The following SPIRE1 variants were observed in gnomAD, a reference collection of about 807,000 sequenced individuals.
SPIRE1 encodes the protein spire type actin nucleation factor 1, also known as protein spire homolog 1.
SPIRE1 carries 40 observed loss-of-function variants against 94.1 expected under a neutral mutation model. The ratio of observed to expected loss-of-function variants is 0.43; its 90% CI spans 0.33 to 0.55. The LOEUF is 0.55. Among genes scored for constraint, SPIRE1 ranks in the 20% least tolerant of loss-of-function variants. The pLI, the probability that SPIRE1 is intolerant of heterozygous loss-of-function variation, is 0.06. For synonymous variants in SPIRE1, 376 were observed against 371.7 expected (o/e 1.01, Z -0.13); for missense variants, 838 against 975.2 (o/e 0.86, Z 1.87).
intron 4 of SPIRE1, among the ~76,000 whole-genome samples, chr18:12,522,150 T>A (rs980123022): frequency 3.3e-4 from 50 of 152,132 alleles, no homozygotes; most frequent in Non-Finnish European, 2.9e-5. Flanking sequence ...AACAGCCAAG[T>A]TGTGAATGCA....
chr18:12,452,618 T>A (rs984815711), intron 14 of SPIRE1, 106 bp from the exon 15 acceptor site: 6 of 1,082,648 alleles, frequency 5.5e-6, no homozygotes, highest in South Asian at 1.3e-5. Flanking sequence ...ATAAACTGCA[T>A]AACTCTCCCT....
chr18:12,470,602 G>A (rs17615158), intron 10 of SPIRE1, among the ~76,000 whole-genome samples: 54,440 of 151,980 alleles, frequency 0.36, 11,140 homozygotes, highest in East Asian at 0.65. Context: ...CAGGTCTCCT[G>A]AGAGAAGGGT....
At chr18:12,493,000 T>C in intron 8 of SPIRE1, 72 bp downstream of exon 8, 3 of 1,485,442 alleles carry the variant, frequency 2.0e-6, no homozygotes, top group African/African-American at 1.4e-5. Flanking sequence ...TTTACTTTCA[T>C]GGGGCTGGGT....
chr18:12,634,777 A>C (rs1278512649), intron 2 of SPIRE1, among the ~76,000 whole-genome samples: 3 of 152,106 alleles, frequency 2.0e-5, no homozygotes. Context: ...TCTACTAAAA[A>C]TACAAAAATT....
At chr18:12,637,126 G>A (rs1489467150) in intron 1 of SPIRE1, among the ~76,000 whole-genome samples, 2 of 152,116 alleles carry the variant, frequency 1.3e-5, no homozygotes, top group Non-Finnish European at 2.9e-5. Context: ...TTGGGAGACC[G>A]AGGCAGACAG....
intron 7 of SPIRE1, 123 bp downstream of exon 7, chr18:12,495,893 T>C (rs910993096): frequency 7.3e-6 from 5 of 686,718 alleles, no homozygotes; most frequent in African/African-American, 3.6e-5. Context: ...CTGGGCTTCA[T>C]CTTCAGAGTA....
chr18:12,499,911 A>C (rs2033597339), intron 6 of SPIRE1, among the ~76,000 whole-genome samples: 1 of 152,232 alleles, frequency 6.6e-6, no homozygotes, highest in Non-Finnish European at 1.5e-5. Flanking sequence ...CAGAAATACA[A>C]ACAATCCAAT....
At chr18:12,567,400 T>C (rs1377499776) in intron 2 of SPIRE1, among the ~76,000 whole-genome samples, 1 of 152,220 alleles carries the variant, frequency 6.6e-6, no homozygotes, top group Non-Finnish European at 1.5e-5. Flanking sequence ...CCCAGCTTGA[T>C]CTACAGATTC....
chr18:12,491,961 C>A lies in SPIRE1; in HGVS notation c.1189+1111G>T, dbSNP rs574377702. ...GTCAAAGATTATGTTAAGGTTTCTA[C>A]ATTGGGAAAACAAAATGCAATGGTT... On this transcript the variant is annotated intron_variant, in intron 8 of 16. Coordinates refer to ENST00000409402, the MANE Select transcript of SPIRE1 (RefSeq NM_001128626.2). Among the ~76,000 whole-genome samples the A allele has an allele frequency of 8.8e-4, 134 of 152,262 alleles. 1 individual carries two copies. Among genetic ancestry groups the A allele is most frequent in the Non-Finnish European group, 1.5e-3 (102 of 68,022 alleles).
At chr18:12,624,811 G>A (rs1264830436) in intron 2 of SPIRE1, among the ~76,000 whole-genome samples, 9 of 138,670 alleles carry the variant, frequency 6.5e-5, no homozygotes, top group Admixed American at 4.6e-4. Flanking sequence ...CAGCCTGGGC[G>A]ACAGAGTGAG....
intron 1 of SPIRE1, among the ~76,000 whole-genome samples, chr18:12,644,398 T>G (rs549428808): frequency 1.3e-5 from 2 of 152,164 alleles, no homozygotes; most frequent in African/African-American, 2.4e-5. Context: ...TATAGTTACA[T>G]TGTTTTATTA....
At chr18:12,472,054 G>A (rs1166608955) in intron 10 of SPIRE1, among the ~76,000 whole-genome samples, 1 of 151,982 alleles carries the variant, frequency 6.6e-6, no homozygotes, top group Non-Finnish European at 1.5e-5. Context: ...CAAAGTGCTG[G>A]GATTATAGGT....
intron 5 of SPIRE1, among the ~76,000 whole-genome samples, chr18:12,508,356 C>T (rs1052907694): frequency 6.6e-6 from 1 of 152,092 alleles, no homozygotes; most frequent in African/African-American, 2.4e-5. Context: ...CATACCATTT[C>T]CCATCCTCTT....
At chr18:12,601,396 C>T (rs2036830708) in intron 2 of SPIRE1, among the ~76,000 whole-genome samples, 1 of 151,992 alleles carries the variant, frequency 6.6e-6, no homozygotes, top group African/African-American at 2.4e-5. Context: ...GCACTCCAGC[C>T]TGGGCGATAA....
At chr18:12,630,523 G>A (rs2037745823) in intron 2 of SPIRE1, among the ~76,000 whole-genome samples, 1 of 152,202 alleles carries the variant, frequency 6.6e-6, no homozygotes, top group South Asian at 2.1e-4. Context: ...GCTGGGCGTG[G>A]TGGCACATGC....
At chr18:12,653,902 C>T (rs184064537) in intron 1 of SPIRE1, among the ~76,000 whole-genome samples, 35 of 150,826 alleles carry the variant, frequency 2.3e-4, no homozygotes, top group African/African-American at 8.3e-4. Context: ...GCCAAGATTG[C>T]GCCATTGCAC....
intron 2 of SPIRE1, among the ~76,000 whole-genome samples, chr18:12,608,764 T>A (rs184925451): frequency 6.6e-6 from 1 of 152,338 alleles, no homozygotes; most frequent in East Asian, 1.9e-4. Context: ...TTCCAGGAAC[T>A]TTTGTTCTAC....
At chr18:12,570,595 C>T (rs1056315108) in intron 2 of SPIRE1, among the ~76,000 whole-genome samples, 2 of 152,082 alleles carry the variant, frequency 1.3e-5, no homozygotes, top group African/African-American at 4.8e-5. Flanking sequence ...TACGATGATC[C>T]TGGGAAGCAG....
intron 2 of SPIRE1, among the ~76,000 whole-genome samples, chr18:12,617,157 C>A (rs1445075605): frequency 2.6e-5 from 2 of 78,142 alleles, no homozygotes; most frequent in African/African-American, 8.8e-5. Flanking sequence ...ACCATGCTCA[C>A]TATTTTTTTT....
Sources: gnomAD v4.1 joint callset for allele counts (sites outside exome capture counted in the v4.1 genomes callset) on GRCh38, gnomAD v4.1.1 for gene constraint, MANE v1.5 for transcripts, NCBI Gene and HGNC (gene_info 2026-07-23, HGNC 2026-07-21) for gene names.